Variants in ALKBH1 observed in about 807,000 individuals in gnomAD.
ALKBH1 encodes alkB homolog 1, histone H2A dioxygenase.
In ALKBH1, 31 loss-of-function variants were observed where a neutral mutation model predicts 36.6. The ratio of observed to expected loss-of-function variants is 0.85; its 90% CI spans 0.64 to 1.14. The LOEUF is 1.14. Ranked by LOEUF, ALKBH1 falls within the 50% of genes most tolerant of loss-of-function variation. ALKBH1 has a pLI of 0.00. For missense variants in ALKBH1, 490 were observed against 497.3 expected, an observed-to-expected ratio of 0.99 and a Z score of 0.14; for synonymous variants, 183 against 186.6, an observed-to-expected ratio of 0.98 and a Z score of 0.16.
intron 2 of ALKBH1, 83 bp downstream of exon 2, chr14:77,704,286 G>T: frequency 2.1e-6 from 2 of 973,816 alleles, no homozygotes; most frequent in Non-Finnish European, 3.3e-6. Context: ...CTATTTACTT[G>T]CTCACACACA....
At chr14:77,697,697 TAAAAAA>T (rs57516221) in intron 2 of ALKBH1, among the ~76,000 whole-genome samples, 1 of 104,940 alleles carries the variant, frequency 9.5e-6, no homozygotes, top group Non-Finnish European at 1.9e-5. Flanking sequence ...TTTGCTGTAA[TAAAAAA>T]AAAAAAAAAA....
Position 77,694,733 on chromosome 14 carries a change from C to T in ALKBH1, c.455+5G>A. On this transcript the variant is annotated splice_donor_5th_base_variant and intron_variant, in intron 3 of 5. Coordinates refer to ENST00000216489, the MANE Select transcript of ALKBH1 (RefSeq NM_006020.3). ...TAACACTTCATTCTGATTGACAAGA[C>T]TTACCTCAGGAACTCTTTGCTCTGT... 6.3e-7 allele frequency: 1 copy of T among 1,576,608 alleles called. No homozygotes were observed. Among genetic ancestry groups the T allele is most frequent in the Non-Finnish European group, 8.6e-7 (1 of 1,164,574 alleles).
At chr14:77,693,424 T>A (rs1359728806) in intron 3 of ALKBH1, among the ~76,000 whole-genome samples, 1 of 152,116 alleles carries the variant, frequency 6.6e-6, no homozygotes, top group Non-Finnish European at 1.5e-5. Flanking sequence ...ACAGGAACTG[T>A]TTTTTATCTG....
rs976189063 is a variant in ALKBH1, at chr14:77,672,734, G to C, written c.*1078C>G. On this transcript the variant is annotated 3_prime_UTR_variant, in exon 6 of 6. Coordinates refer to ENST00000216489, the MANE Select transcript of ALKBH1 (RefSeq NM_006020.3). ...CTTCATTTTATGATGAGGAAACCGA[G>C]GTCCAGAGAAATGTAAAGTAACCTG... 6.6e-6 allele frequency: 1 copy of C among 152,128 alleles called. No homozygotes were observed. Among genetic ancestry groups the C allele is most frequent in the Non-Finnish European group, 1.5e-5 (1 of 68,034 alleles). 9.4% of individuals were successfully genotyped at this position (152,128 alleles called of 1,614,324 possible). A position where few individuals can be genotyped will look rare whatever the true frequency, so the allele number is the denominator to read the frequency against.
At chr14:77,676,996 C>CA (rs1331129902) in intron 4 of ALKBH1, among the ~76,000 whole-genome samples, 1 of 151,738 alleles carries the variant, frequency 6.6e-6, no homozygotes, top group Non-Finnish European at 1.5e-5. Context: ...CTAAGGATCA[C>CA]AAATATCTTT....
intron 3 of ALKBH1, 37 bp from the exon 4 acceptor site, chr14:77,680,007 T>C: frequency 6.5e-7 from 1 of 1,547,276 alleles, no homozygotes; most frequent in Non-Finnish European, 8.9e-7. Flanking sequence ...ATTATTCATG[T>C]AAAATGGCAG....
chr14:77,682,225 AAATGT>A (rs1313034888), intron 3 of ALKBH1, among the ~76,000 whole-genome samples: 1 of 152,210 alleles, frequency 6.6e-6, no homozygotes, highest in African/African-American at 2.4e-5. Flanking sequence ...AATATGAAAA[AAATGT>A]AATGTAGTTA....
At chr14:77,683,514 T>C in intron 3 of ALKBH1, 1 of 668,992 alleles carries the variant, frequency 1.5e-6, no homozygotes, top group South Asian at 1.5e-5. Context: ...CATGGCAACA[T>C]TTATGGGCCA....
chr14:77,694,384 C>T (rs1490964141), intron 3 of ALKBH1, among the ~76,000 whole-genome samples: 1 of 152,088 alleles, frequency 6.6e-6, no homozygotes, highest in Non-Finnish European at 1.5e-5. Context: ...AAAGAGCTTT[C>T]GATGTTACCT....
chr14:77,679,830 C>G, intron 4 of ALKBH1, 50 bp downstream of exon 4: 1 of 1,374,298 alleles, frequency 7.3e-7, no homozygotes, highest in Non-Finnish European at 1.0e-6. Context: ...ACTATGTGGG[C>G]TAAAGAAGCC....
chr14:77,694,691 T>TG, intron 3 of ALKBH1, 47 bp downstream of exon 3: 1 of 1,419,136 alleles, frequency 7.0e-7, no homozygotes, highest in South Asian at 1.8e-5. Context: ...AGACCTGTGA[T>TG]GATCTGAGCT....
intron 2 of ALKBH1, among the ~76,000 whole-genome samples, chr14:77,701,605 T>A (rs547650445): frequency 6.6e-6 from 1 of 152,230 alleles, no homozygotes; most frequent in African/African-American, 2.4e-5. Flanking sequence ...CACACAAGTG[T>A]GAGGACAGGT....
chr14:77,693,222 A>ACAC (rs1455414571), intron 3 of ALKBH1, among the ~76,000 whole-genome samples: 1 of 128,096 alleles, frequency 7.8e-6, no homozygotes, highest in South Asian at 2.4e-4. Flanking sequence ...AAAAAAAAAA[A>ACAC]AATTTTTTTT....
At chr14:77,697,665 G>A (rs1309492337) in intron 2 of ALKBH1, among the ~76,000 whole-genome samples, 1 of 147,070 alleles carries the variant, frequency 6.8e-6, no homozygotes, top group Admixed American at 6.9e-5. Flanking sequence ...ACTGAGTGGG[G>A]TAGAAATTAC....
At chr14:77,705,282 G>A (rs2080381983) in intron 1 of ALKBH1, among the ~76,000 whole-genome samples, 1 of 151,738 alleles carries the variant, frequency 6.6e-6, no homozygotes, top group Non-Finnish European at 1.5e-5. Flanking sequence ...GTGTAGTGGC[G>A]GGCGCCTGAA....
In ALKBH1 at chr14:77,673,876, C is replaced by G; in HGVS notation, c.1106G>C (p.Gly369Ala). The G allele has an allele frequency of 1.2e-6, 2 of 1,614,148 alleles. No individual in the cohort carries two copies. The highest frequency in any genetic ancestry group is 2.7e-5 in the African/African-American group (2 of 75,034). ...ATTCTGGTCATCCAGATGGCAGAAA[C>G]CTTCTGTACTGATGTCTCTTTTTTC... ...EDEKRDISTE[G>A]FCHLDDQNSE... Residue 369 changes from glycine (G) to alanine (A), a missense_variant, in exon 6 of 6, where the codon GGT becomes GCT. Gly to Ala is a moderately conservative substitution (Grantham distance 60). Transcript: ENST00000216489.
At position 77,673,822 on chromosome 14, in the gene ALKBH1, G is replaced by A. The variant is rs773714176; in HGVS notation, c.1160C>T (p.Pro387Leu). 51 of 1,612,422 alleles carry A rather than the reference G, an allele frequency of 3.2e-5. No homozygotes were observed. Among genetic ancestry groups the A allele is most frequent in the Non-Finnish European group, 4.1e-5 (48 of 1,179,018 alleles). ...NSEVKRARIN[P>L]DS Reference sequence around the variant, plus strand: ...TGGGATCTCCAAGTCTCAGCTGTCAGGGTTTATCCTGGCCCGTTTTACTTC... The same window carrying A: ...TGGGATCTCCAAGTCTCAGCTGTCAAGGTTTATCCTGGCCCGTTTTACTTC... Residue 387 changes from proline to leucine, a missense_variant, in exon 6 of 6, where the codon CCT becomes CTT. Coordinates refer to ENST00000216489, the MANE Select transcript of ALKBH1 (RefSeq NM_006020.3).
In ALKBH1 at chr14:77,673,729, T is replaced by G. The variant is rs1595045281; in HGVS notation, c.*83A>C. ...TGTCTCTGTTTTTGGCTTGTCTGGGTGCTGAAGTCCACGGCAATACACAAT... is the reference window on the plus strand; with the variant it reads ...TGTCTCTGTTTTTGGCTTGTCTGGGGGCTGAAGTCCACGGCAATACACAAT... On this transcript the variant is annotated 3_prime_UTR_variant, in exon 6 of 6. Transcript: ENST00000216489. The G allele has an allele frequency of 7.1e-7, 1 of 1,403,924 alleles. No homozygotes were observed. The highest frequency in any genetic ancestry group is 2.1e-5 in the Admixed American group (1 of 48,290). 87.0% of individuals were successfully genotyped at this position (1,403,924 alleles called of 1,614,324 possible).
At position 77,673,855 on chromosome 14, in the gene ALKBH1, T is replaced by C. The variant is rs1425108622; in HGVS notation, c.1127A>G (p.Gln376Arg). 2 of 1,614,224 alleles carry C rather than the reference T, an allele frequency of 1.2e-6. No individual in the cohort carries two copies. Among genetic ancestry groups the C allele is most frequent in the South Asian group, 1.1e-5 (1 of 91,088 alleles). ...STEGFCHLDD[Q>R]NSEVKRARIN... ...CCTGGCCCGTTTTACTTCGCTATTC[T>C]GGTCATCCAGATGGCAGAAACCTTC... The change falls in exon 6 of 6, where the codon CAG (glutamine) becomes CGG (arginine). Residue 376 changes from glutamine (Q) to arginine (R), a missense_variant. Transcript: ENST00000216489.
Sources: allele counts gnomAD v4.1 joint callset (sites outside exome capture counted in the v4.1 genomes callset), GRCh38; gene constraint gnomAD v4.1.1; transcripts MANE v1.5; gene names NCBI Gene and HGNC (gene_info 2026-07-23, HGNC 2026-07-21).